The following LEO1 variants were observed in gnomAD, a reference collection of about 807,000 sequenced individuals.
LEO1 encodes RNA polymerase-associated protein LEO1.
A neutral mutation model predicts 80.4 loss-of-function variants in LEO1; 34 were observed. That is an observed-to-expected ratio of 0.42 (90% confidence interval 0.32 to 0.56). The LOEUF (loss-of-function observed/expected upper bound fraction) is 0.56. Ranked by LOEUF, LEO1 falls within the 20% of genes least tolerant of loss-of-function variation. The pLI is 0.10. For synonymous variants in LEO1, 262 were observed against 274.9 expected, an observed-to-expected ratio of 0.95 and a Z score of 0.46; for missense variants, 631 against 814.2, an observed-to-expected ratio of 0.77 and a Z score of 2.74.
chr15:51,947,232 C>T, intron 11 of LEO1, 60 bp downstream of exon 11: 8 of 1,099,918 alleles, frequency 7.3e-6, no homozygotes, highest in Non-Finnish European at 1.1e-5. Flanking sequence ...GCTCTTCATT[C>T]AAAGCAGTTG....
At chr15:51,962,652 C>A (rs1278306962) in intron 2 of LEO1, among the ~76,000 whole-genome samples, 159 bp from the exon 3 acceptor site, 1 of 152,148 alleles carries the variant, frequency 6.6e-6, no homozygotes, top group Non-Finnish European at 1.5e-5. Context: ...TTGGATGAAT[C>A]AAAAATGCTA....
In LEO1 at chr15:51,966,354, C is replaced by T. The variant is rs778527381; in HGVS notation, c.209G>A (p.Gly70Glu). The T allele has an allele frequency of 5.0e-6, 8 of 1,613,996 alleles. No homozygotes were observed. In the African/African-American group the frequency reaches 1.1e-4, roughly 22 times the overall value. The change falls in exon 2 of 12, where the codon GGA (glycine) becomes GAA (glutamate). Residue 70 changes from glycine (G) to glutamate (E), a missense_variant. Coordinates refer to ENST00000299601, the MANE Select transcript of LEO1 (RefSeq NM_138792.4). ...ELFGDDSEDE[G>E]ASHHSGSDNH... ...ATCACTACCACTATGATGTGAAGCTCCCTCGTCCTCACTGTCATCTCCAAA... is the reference window on the plus strand; with the variant it reads ...ATCACTACCACTATGATGTGAAGCTTCCTCGTCCTCACTGTCATCTCCAAA...
intron 6 of LEO1, among the ~76,000 whole-genome samples, chr15:51,957,793 G>A (rs1018551451): frequency 6.6e-6 from 1 of 152,162 alleles, no homozygotes; most frequent in Non-Finnish European, 1.5e-5. Context: ...GGCCGAGGTG[G>A]GTGGATCACC....
At chr15:51,962,347 A>G (rs777584526) in intron 3 of LEO1, 42 bp downstream of exon 3, 1 of 1,279,528 alleles carries the variant, frequency 7.8e-7, no homozygotes. Context: ...AAATACAGAA[A>G]GAGGTATGGA....
chr15:51,963,098 G>A (rs551063069), intron 2 of LEO1, among the ~76,000 whole-genome samples: 1 of 152,172 alleles, frequency 6.6e-6, no homozygotes, highest in African/African-American at 2.4e-5. Context: ...CCAACATGGT[G>A]AAACCCATCT....
At chr15:51,939,833 A>G (rs186947749) in intron 11 of LEO1, among the ~76,000 whole-genome samples, 1 of 152,236 alleles carries the variant, frequency 6.6e-6, no homozygotes, top group Admixed American at 6.5e-5. Flanking sequence ...AAGATGGTAC[A>G]GCCTGTCCTA....
chr15:51,940,024 G>A (rs910393598), intron 11 of LEO1, among the ~76,000 whole-genome samples: 1 of 152,172 alleles, frequency 6.6e-6, no homozygotes, highest in African/African-American at 2.4e-5. Context: ...GGGAGGCCAA[G>A]GCGGGCAGAT....
chr15:51,938,383 G>T, intron 11 of LEO1, 123 bp from the exon 12 acceptor site: 3 of 617,650 alleles, frequency 4.9e-6, no homozygotes, highest in Non-Finnish European at 8.5e-6. Flanking sequence ...CCTGCAGGTT[G>T]TGAGGGAGAT....
chr15:51,946,961 A>G, intron 11 of LEO1: 5 of 260,454 alleles, frequency 1.9e-5, no homozygotes, highest in Non-Finnish European at 3.6e-5. Flanking sequence ...TAGCCTTGGT[A>G]TGTCAGGGAC....
chr15:51,963,575 G>C (rs1318542508), intron 2 of LEO1, among the ~76,000 whole-genome samples: 7 of 152,028 alleles, frequency 4.6e-5, no homozygotes, highest in Non-Finnish European at 1.0e-4. Flanking sequence ...TAGTACATGA[G>C]CCTTAAAGAT....
intron 10 of LEO1, 44 bp downstream of exon 10, chr15:51,949,764 C>T (rs2056932366): frequency 1.9e-6 from 3 of 1,540,070 alleles, no homozygotes; most frequent in Non-Finnish European, 2.7e-6. Context: ...AGATGAAGTC[C>T]AGAATCCCGA....
In LEO1 at chr15:51,948,776, G is replaced by C. The variant is rs369073059; in HGVS notation, c.1798+1032C>G. The stretch of plus-strand genomic sequence containing the variant: ...CTAAAAAGTGGCAGGACTCAGATGA[G>C]AGCGGGCAGGGTCAGAAGGCCAGCC... On this transcript the variant is annotated intron_variant, in intron 10 of 11. Transcript: ENST00000299601. Among the ~76,000 whole-genome samples the C allele has an allele frequency of 3.8e-4, 58 of 152,294 alleles. No homozygotes were observed. In the Middle Eastern group the frequency reaches 0.014, roughly 36 times the overall value.
chr15:51,951,001 T>A (rs1255815250), intron 9 of LEO1, among the ~76,000 whole-genome samples: 3 of 152,244 alleles, frequency 2.0e-5, no homozygotes, highest in African/African-American at 7.2e-5. Flanking sequence ...TAGGTACTGC[T>A]ATTAGATCTG....
intron 8 of LEO1, 100 bp from the exon 9 acceptor site, chr15:51,952,079 T>C (rs2056953775): frequency 9.7e-7 from 1 of 1,031,210 alleles, no homozygotes; most frequent in African/African-American, 1.6e-5. Context: ...GACCATTTCC[T>C]AGTCACCTGA....
Position 51,954,581 on chromosome 15 carries a change from TCACAA to T in LEO1, c.1246-11_1246-7del, listed in dbSNP as rs767711929. On this transcript the variant is annotated splice_polypyrimidine_tract_variant and splice_region_variant and intron_variant, in intron 6 of 11. Coordinates refer to ENST00000299601, the MANE Select transcript of LEO1 (RefSeq NM_138792.4). ...CATCTTATAGTATTTTCTACCTGTTTCACAACACAAGTACTTTAGAAAATTATAGT... is the reference window on the plus strand; with the variant it reads ...CATCTTATAGTATTTTCTACCTGTTTCACAAGTACTTTAGAAAATTATAGT... 5.7e-6 allele frequency: 9 copies of T among 1,577,300 alleles called. No individual in the cohort carries two copies. Among genetic ancestry groups the T allele is most frequent in the African/African-American group, 1.3e-5 (1 of 74,152 alleles).
intron 1 of LEO1, among the ~76,000 whole-genome samples, chr15:51,966,990 G>C (rs751669407): frequency 2.0e-5 from 3 of 152,054 alleles, no homozygotes; most frequent in African/African-American, 4.8e-5. Context: ...CCAAAGATTT[G>C]AGCAGGAAAA....
In LEO1 at chr15:51,966,322, A is replaced by G. The variant is rs924958779; in HGVS notation, c.241T>C (p.Ser81Pro). 1.2e-6 allele frequency: 2 copies of G among 1,614,044 alleles called. No individual in the cohort carries two copies. The highest frequency in any genetic ancestry group is 2.2e-5 in the East Asian group (1 of 44,894). ...TCTGATCTATTGTCTGATCTTTCAG[A>G]GTGATTATCACTACCACTATGATGT... ...ASHHSGSDNHSERSDNRSEAS... is the reference protein window; with the variant it reads ...ASHHSGSDNHPERSDNRSEAS... The change falls in exon 2 of 12, where the codon TCT (serine) becomes CCT (proline). Residue 81 changes from serine to proline, a missense_variant. Transcript: ENST00000299601.
In LEO1 at chr15:51,960,612, A is replaced by G. The variant is rs1320908033; in HGVS notation, c.1014+27T>C. On this transcript the variant is annotated intron_variant, in intron 4 of 11. Coordinates refer to ENST00000299601, the MANE Select transcript of LEO1 (RefSeq NM_138792.4). ...TTTGAAACTTTATGCCTGGCCTTGAATAAGTTCATGTTACTAACTGACTTA... is the reference window on the plus strand; with the variant it reads ...TTTGAAACTTTATGCCTGGCCTTGAGTAAGTTCATGTTACTAACTGACTTA... 3 of 1,304,050 alleles carry G rather than the reference A, an allele frequency of 2.3e-6. No homozygotes were observed. In the South Asian group the frequency reaches 3.6e-5, roughly 15 times the overall value. The allele number at this position is 1,304,050 out of a possible 1,614,324, so 80.8% of individuals were successfully genotyped here.
At chr15:51,954,293 G>A (rs570286242) in intron 7 of LEO1, among the ~76,000 whole-genome samples, 188 bp downstream of exon 7, 1 of 151,958 alleles carries the variant, frequency 6.6e-6, no homozygotes, top group Admixed American at 6.6e-5. Context: ...GAGATGGGAG[G>A]ATCACTTAGG....
Sources: allele counts gnomAD v4.1 joint callset (sites outside exome capture counted in the v4.1 genomes callset), GRCh38; gene constraint gnomAD v4.1.1; transcripts MANE v1.5; gene names NCBI Gene and HGNC (gene_info 2026-07-23, HGNC 2026-07-21).